The following GABBR2 variants were observed in gnomAD, a reference collection of about 807,000 sequenced individuals.
The protein encoded by GABBR2 is G-protein coupled receptor 51.
A neutral mutation model predicts 105.6 loss-of-function variants in GABBR2; 23 were observed. The ratio of observed to expected loss-of-function variants is 0.22; its 90% confidence interval spans 0.16 to 0.31. The LOEUF is 0.31. Among genes scored for constraint, GABBR2 ranks in the 10% least tolerant of loss-of-function variants. GABBR2 has a pLI of 1.00. For missense variants in GABBR2, 734 were observed against 1,245.5 expected, an observed-to-expected ratio of 0.59 and a Z score of 6.18; for synonymous variants, 478 against 499.7, an observed-to-expected ratio of 0.96 and a Z score of 0.58.
chr9:98,543,112 C>T (rs926076329), intron 2 of GABBR2, among the ~76,000 whole-genome samples: 4 of 151,948 alleles, frequency 2.6e-5, no homozygotes, highest in Admixed American at 1.3e-4. Context: ...CTTTTAAGTG[C>T]CAGTTAAGTT....
At chr9:98,494,870 G>A (rs1486623729) in intron 4 of GABBR2, among the ~76,000 whole-genome samples, 20 of 152,228 alleles carry the variant, frequency 1.3e-4, no homozygotes, top group Non-Finnish European at 1.5e-5. Context: ...GCACACAAAG[G>A]TTCTTTAAAC....
rs559101882 is a variant in GABBR2, at chr9:98,594,548, G to T, written c.322-16476C>A. 9.8e-5 allele frequency among the ~76,000 whole-genome samples: 15 copies of T among 152,336 alleles called. No homozygotes were observed. The South Asian group carries it at 3.1e-3, about 32-fold the overall frequency. ...GCTGGAGGGGTGGGGCCCAGGGAAGGTTCCTATGGCTCATTGAGGCAGCAG... is the reference window on the plus strand; with the variant it reads ...GCTGGAGGGGTGGGGCCCAGGGAAGTTTCCTATGGCTCATTGAGGCAGCAG... On this transcript the variant is annotated intron_variant, in intron 1 of 18. Coordinates refer to ENST00000259455, the MANE Select transcript of GABBR2 (RefSeq NM_005458.8).
intron 13 of GABBR2, among the ~76,000 whole-genome samples, chr9:98,347,292 C>A (rs1362928969): frequency 6.6e-6 from 1 of 152,082 alleles, no homozygotes; most frequent in Non-Finnish European, 1.5e-5. Context: ...TGAGATGATA[C>A]CTCACTGTGG....
chr9:98,368,264 C>A (rs1486024651), intron 12 of GABBR2, among the ~76,000 whole-genome samples: 1 of 148,006 alleles, frequency 6.8e-6, no homozygotes, highest in African/African-American at 2.5e-5. Context: ...GACATCATTA[C>A]CCTTAAAAAC....
chr9:98,502,279 C>T (rs1397448620), intron 3 of GABBR2, among the ~76,000 whole-genome samples: 1 of 152,140 alleles, frequency 6.6e-6, no homozygotes, highest in African/African-American at 2.4e-5. Context: ...CTGTTTAAGC[C>T]TAATGTGGGT....
intron 13 of GABBR2, among the ~76,000 whole-genome samples, chr9:98,313,092 A>G (rs1830660680): frequency 6.6e-6 from 1 of 152,138 alleles, no homozygotes; most frequent in Non-Finnish European, 1.5e-5. Context: ...ATCCTTTGCT[A>G]TCTTATTCAT....
chr9:98,474,048 T>C (rs1241607815), intron 5 of GABBR2, among the ~76,000 whole-genome samples: 1 of 152,202 alleles, frequency 6.6e-6, no homozygotes, highest in African/African-American at 2.4e-5. Flanking sequence ...AGTGTATAAA[T>C]TCAGATCCTA....
intron 13 of GABBR2, among the ~76,000 whole-genome samples, chr9:98,320,585 CCAA>C (rs1262027456): frequency 6.6e-6 from 1 of 152,118 alleles, no homozygotes; most frequent in Admixed American, 6.5e-5. Flanking sequence ...ACCCAAATGT[CCAA>C]CAACGATAGA....
At chr9:98,384,607 A>G (rs1157200333) in intron 11 of GABBR2, among the ~76,000 whole-genome samples, 1 of 152,040 alleles carries the variant, frequency 6.6e-6, no homozygotes, top group Non-Finnish European at 1.5e-5. Flanking sequence ...AACCCAAAAA[A>G]CAAAAAAAAA....
At chr9:98,475,543 T>C (rs1312949686) in intron 5 of GABBR2, among the ~76,000 whole-genome samples, 1 of 152,164 alleles carries the variant, frequency 6.6e-6, no homozygotes, top group Non-Finnish European at 1.5e-5. Context: ...GTTGCTATTT[T>C]TATATATTAT....
At chr9:98,439,829 T>C (rs914103168) in intron 7 of GABBR2, among the ~76,000 whole-genome samples, 11 of 152,236 alleles carry the variant, frequency 7.2e-5, no homozygotes, top group African/African-American at 2.7e-4. Context: ...TTGTCATCCT[T>C]GCACTAATTC....
intron 1 of GABBR2, among the ~76,000 whole-genome samples, chr9:98,612,023 C>T (rs920579216): frequency 6.6e-6 from 1 of 152,238 alleles, no homozygotes; most frequent in African/African-American, 2.4e-5. Flanking sequence ...GAGGCTCTAT[C>T]TGGGCCCTGC....
intron 1 of GABBR2, among the ~76,000 whole-genome samples, chr9:98,626,018 T>C (rs1186002570): frequency 1.3e-5 from 2 of 152,110 alleles, no homozygotes; most frequent in Admixed American, 1.3e-4. Context: ...AGGGAGGCCC[T>C]GGGAGAACAA....
chr9:98,372,149 G>A (rs911527684), intron 11 of GABBR2, among the ~76,000 whole-genome samples: 1 of 152,190 alleles, frequency 6.6e-6, no homozygotes, highest in African/African-American at 2.4e-5. Flanking sequence ...CTGGGTTGGT[G>A]GCTAATGGGA....
chr9:98,576,374 G>A (rs1023967311), intron 2 of GABBR2, among the ~76,000 whole-genome samples: 12 of 152,160 alleles, frequency 7.9e-5, no homozygotes, highest in Non-Finnish European at 1.6e-4. Context: ...CATGGAATGC[G>A]CTTCACCCAG....
Position 98,306,398 on chromosome 9 carries a change from C to T in GABBR2, c.2005-53G>A. 1 of 1,272,632 alleles carries T rather than the reference C, an allele frequency of 7.9e-7. No individual in the cohort carries two copies. Among genetic ancestry groups the T allele is most frequent in the Non-Finnish European group, 1.1e-6 (1 of 885,968 alleles). 78.8% of individuals were successfully genotyped at this position (1,272,632 alleles called of 1,614,324 possible). On this transcript the variant is annotated intron_variant, in intron 14 of 18. Coordinates refer to ENST00000259455, the MANE Select transcript of GABBR2 (RefSeq NM_005458.8). This position sits in a 1 kb window ranked among gnomAD's most constrained non-coding sequence, Gnocchi z 5.4. Reference sequence around the variant, plus strand: ...ATGATCGTTACCAAGGGGTGGCACACACAGGCTGCTCTGAGAAGCTGTGGA... The same window carrying T: ...ATGATCGTTACCAAGGGGTGGCACATACAGGCTGCTCTGAGAAGCTGTGGA...
Position 98,708,455 on chromosome 9 carries a change from G to A in GABBR2, c.283C>T (p.Arg95Cys). The change falls in exon 1 of 19, where the codon CGC becomes TGC. Residue 95 changes from arginine to cysteine, a missense_variant. Transcript: ENST00000259455. ...AGCCGCAGGTCGAGGAAGTAGGGGC[G>A]CAGGAGTGACTCGTTGCGGATCTGC... Reference protein sequence around the residue: ...IEQIRNESLLRPYFLDLRLYD... With the variant: ...IEQIRNESLLCPYFLDLRLYD... The A allele has an allele frequency of 1.3e-6, 2 of 1,568,886 alleles. No individual in the cohort carries two copies. The highest frequency in any genetic ancestry group is 1.2e-5 in the South Asian group (1 of 85,234).
At chr9:98,361,622 C>T (rs892064834) in intron 13 of GABBR2, among the ~76,000 whole-genome samples, 1 of 152,196 alleles carries the variant, frequency 6.6e-6, no homozygotes, top group African/African-American at 2.4e-5. Flanking sequence ...CAAAAATAGC[C>T]TGTCTGCTCG....
At chr9:98,437,857 C>T (rs960340017) in intron 7 of GABBR2, among the ~76,000 whole-genome samples, 23 of 151,702 alleles carry the variant, frequency 1.5e-4, no homozygotes, top group African/African-American at 5.3e-4. Context: ...ACACATCTAT[C>T]CATCCATCCG....
Sources: allele counts gnomAD v4.1 joint callset (sites outside exome capture counted in the v4.1 genomes callset), GRCh38; gene constraint gnomAD v4.1.1; non-coding constraint Gnocchi (gnomAD v3.1); transcripts MANE v1.5; gene names NCBI Gene and HGNC (gene_info 2026-07-23, HGNC 2026-07-21).